PAX2: variants seen among roughly 807,000 people sequenced by gnomAD.
PAX2 encodes paired box protein Pax-2.
In PAX2, 9 loss-of-function variants were observed where a neutral mutation model predicts 41.7. The observed-to-expected ratio is 0.22, with a 90% CI of 0.13 to 0.38. PAX2 has a LOEUF of 0.38. Among genes scored for constraint, PAX2 ranks in the 10% least tolerant of loss-of-function variants. The pLI is 1.00. For synonymous variants in PAX2, 221 were observed against 212.7 expected, an observed-to-expected ratio of 1.04 and a Z score of -0.34; for missense variants, 418 against 531.6, an observed-to-expected ratio of 0.79 and a Z score of 2.10.
In PAX2 at chr10:100,749,180, A is replaced by G. The variant is rs1010699299; in HGVS notation, c.44-566A>G. 2.4e-5 allele frequency: 24 copies of G among 986,450 alleles called. No homozygotes were observed. In the African/African-American group the frequency reaches 3.5e-4, roughly 14 times the overall value. 61.1% of individuals were successfully genotyped at this position (986,450 alleles called of 1,614,324 possible). A position where few individuals can be genotyped will look rare whatever the true frequency, so the allele number is the denominator to read the frequency against. On this transcript the variant is annotated intron_variant, in intron 1 of 9. Transcript: ENST00000355243. ...AGAAAAATTCCGATTACAATTTAAT[A>G]CTTTTTAAAGAAGAGGCAGAGAGCA...
chr10:100,755,527 A>G (rs1237092759), intron 3 of PAX2, among the ~76,000 whole-genome samples: 1 of 152,232 alleles, frequency 6.6e-6, no homozygotes, highest in Non-Finnish European at 1.5e-5. Flanking sequence ...AAGAGGCATA[A>G]ATCTTGTGTC....
chr10:100,788,883 C>T (rs1766154067), intron 5 of PAX2, among the ~76,000 whole-genome samples: 1 of 152,068 alleles, frequency 6.6e-6, no homozygotes, highest in Non-Finnish European at 1.5e-5. Context: ...CCCCGACACA[C>T]ATACATGCAC....
intron 3 of PAX2, among the ~76,000 whole-genome samples, chr10:100,767,209 A>G (rs116553885): frequency 0.012 from 1,800 of 152,248 alleles, 42 homozygotes; most frequent in African/African-American, 0.041. Flanking sequence ...GACAGAGCCA[A>G]TAGCGCAGCA....
upstream of PAX2, among the ~76,000 whole-genome samples, chr10:100,742,058 AC>A (rs917569842): frequency 2.1e-4 from 32 of 152,234 alleles, no homozygotes; most frequent in East Asian, 4.8e-3. Context: ...TTCCCAAGCT[AC>A]TGGAGGCCGG....
At chr10:100,813,229 C>T (rs746653433) in intron 7 of PAX2, among the ~76,000 whole-genome samples, 11 of 152,200 alleles carry the variant, frequency 7.2e-5, no homozygotes, top group African/African-American at 2.2e-4. Context: ...ATTGCTGCCG[C>T]GCACTGGCAG....
chr10:100,807,691 C>T (rs945181646), intron 6 of PAX2, among the ~76,000 whole-genome samples: 1 of 152,162 alleles, frequency 6.6e-6, no homozygotes, highest in Non-Finnish European at 1.5e-5. Flanking sequence ...CCAGCACACC[C>T]GCTCCCACAC....
In PAX2 at chr10:100,748,861, T is replaced by A. The variant is rs1589810357; in HGVS notation, c.44-885T>A. The A allele has an allele frequency of 1.0e-6, 1 of 980,476 alleles. No individual in the cohort carries two copies. Among genetic ancestry groups the A allele is most frequent in the African/African-American group, 1.8e-5 (1 of 55,248 alleles). 60.7% of individuals were successfully genotyped at this position (980,476 alleles called of 1,614,324 possible). ...TCGGCTACACAGGGCGCCCCGAGAG[T>A]TATTAACTCGCCAGCGAGGCCTATG... On this transcript the variant is annotated intron_variant, in intron 1 of 9. Transcript: ENST00000355243. The surrounding 1 kb of genome is among the most constrained non-coding windows in gnomAD (Gnocchi z 5.0).
chr10:100,787,868 G>A (rs1846934131), intron 5 of PAX2, among the ~76,000 whole-genome samples: 1 of 151,914 alleles, frequency 6.6e-6, no homozygotes, highest in Admixed American at 6.6e-5. Flanking sequence ...GGTGGAAGAA[G>A]GCAGTCATTA....
At chr10:100,743,888 G>T (rs2133818563), upstream of PAX2, among the ~76,000 whole-genome samples, 1 of 152,304 alleles carries the variant, frequency 6.6e-6, no homozygotes, top group African/African-American at 2.4e-5. Context: ...GGCTGGGAGG[G>T]GCAGGCGGTG....
At chr10:100,760,420 G>C (rs1314683975) in intron 3 of PAX2, among the ~76,000 whole-genome samples, 1 of 152,172 alleles carries the variant, frequency 6.6e-6, no homozygotes, top group Non-Finnish European at 1.5e-5. Context: ...CAATGAACGG[G>C]GGTTCTGAAA....
chr10:100,805,034 A>G (rs1364496078), intron 5 of PAX2, among the ~76,000 whole-genome samples: 1 of 73,878 alleles, frequency 1.4e-5, no homozygotes, highest in Non-Finnish European at 3.0e-5. Context: ...ACACACACAC[A>G]CACACACACA....
rs922781725 is a variant in PAX2 at position 100,768,741 on chromosome 10, C to T, written c.411-10757C>T. On this transcript the variant is annotated intron_variant, in intron 3 of 9. Coordinates refer to ENST00000355243, the MANE Select transcript of PAX2 (RefSeq NM_000278.5). Reference sequence around the variant, plus strand: ...GAAGTCACAAGCCTGGATCCAATGTCGGGCTCTTACCCGATGCATATGTAT... The same window carrying T: ...GAAGTCACAAGCCTGGATCCAATGTTGGGCTCTTACCCGATGCATATGTAT... Among the ~76,000 whole-genome samples the T allele has an allele frequency of 5.9e-5, 9 of 152,154 alleles. No individual in the cohort carries two copies. The East Asian group carries it at 1.3e-3, about 23-fold the overall frequency.
intron 5 of PAX2, among the ~76,000 whole-genome samples, chr10:100,799,539 G>A (rs1847464934): frequency 6.6e-6 from 1 of 152,212 alleles, no homozygotes; most frequent in Non-Finnish European, 1.5e-5. Flanking sequence ...ATGGTAGAGT[G>A]GAGAGAGCTT....
At chr10:100,808,604 C>T (rs1286229164) in intron 6 of PAX2, among the ~76,000 whole-genome samples, 1 of 152,086 alleles carries the variant, frequency 6.6e-6, no homozygotes, top group Non-Finnish European at 1.5e-5. Flanking sequence ...ATTTCATACC[C>T]CAGTGCACAG....
At chr10:100,744,313 G>A (rs563185009), upstream of PAX2, among the ~76,000 whole-genome samples, 1 of 152,254 alleles carries the variant, frequency 6.6e-6, no homozygotes, top group African/African-American at 2.4e-5. Flanking sequence ...CAGGGAAGCG[G>A]GGGGAGGGAG....
At chr10:100,762,299 T>TC (rs1483907247) in intron 3 of PAX2, among the ~76,000 whole-genome samples, 1 of 152,082 alleles carries the variant, frequency 6.6e-6, no homozygotes, top group Non-Finnish European at 1.5e-5. Context: ...CACCGGGGTT[T>TC]CACTGGGCTC....
chr10:100,745,007 G>A (rs1845098488), upstream of PAX2, among the ~76,000 whole-genome samples: 2 of 148,394 alleles, frequency 1.3e-5, no homozygotes, highest in African/African-American at 4.9e-5. Flanking sequence ...AGAAAGAGAG[G>A]AAGGAAGAGC....
At chr10:100,798,381 G>A (rs113528285) in intron 5 of PAX2, among the ~76,000 whole-genome samples, 1 of 152,066 alleles carries the variant, frequency 6.6e-6, no homozygotes, top group Non-Finnish European at 1.5e-5. Context: ...CTCCCAAAGT[G>A]CTGGGATTAC....
chr10:100,749,994 C>G, intron 2 of PAX2, 80 bp downstream of exon 2: 1 of 1,510,420 alleles, frequency 6.6e-7, no homozygotes, highest in Non-Finnish European at 9.0e-7. Context: ...GAGGACGTGG[C>G]TAAAAGTCCA....
Sources: allele counts gnomAD v4.1 joint callset (sites outside exome capture counted in the v4.1 genomes callset), GRCh38; gene constraint gnomAD v4.1.1; non-coding constraint Gnocchi (gnomAD v3.1); transcripts MANE v1.5; gene names NCBI Gene and HGNC (gene_info 2026-07-23, HGNC 2026-07-21).